The following USP42 variants were observed in gnomAD, a reference collection of about 807,000 sequenced individuals.
USP42 encodes the protein ubiquitin carboxyl-terminal hydrolase 42.
USP42 carries 23 observed loss-of-function variants against 113.0 expected under a neutral mutation model. The ratio of observed to expected loss-of-function variants is 0.20; its 90% CI spans 0.15 to 0.29. USP42 has a LOEUF of 0.29. Among genes scored for constraint, USP42 ranks in the 10% least tolerant of loss-of-function variants. The pLI is 1.00. For missense variants in USP42, 2,174 were observed against 1,779.8 expected (o/e 1.22, Z -3.99); for synonymous variants, 933 against 699.0 (o/e 1.33, Z -5.28).
chr7:6,143,969 G>A, intron 8 of USP42, 116 bp from the exon 9 acceptor site: 1 of 576,346 alleles, frequency 1.7e-6, no homozygotes. Flanking sequence ...CTCATCCAGT[G>A]TCCTTTTTGG....
chr7:6,112,906 T>C (rs927776593), intron 2 of USP42, among the ~76,000 whole-genome samples: 6 of 146,258 alleles, frequency 4.1e-5, no homozygotes, highest in Admixed American at 2.0e-4. Flanking sequence ...GTTTCTTTTT[T>C]TTTTTTTTTT....
intron 14 of USP42, among the ~76,000 whole-genome samples, chr7:6,151,256 AAC>A (rs1393335906): frequency 6.6e-6 from 1 of 152,212 alleles, no homozygotes; most frequent in Non-Finnish European, 1.5e-5. Flanking sequence ...AGACTCTGGA[AAC>A]ACTGCACACT....
intron 11 of USP42, 82 bp downstream of exon 11, chr7:6,146,330 A>G: frequency 1.2e-6 from 1 of 835,820 alleles, no homozygotes; most frequent in African/African-American, 1.9e-5. Context: ...TTCAATATTC[A>G]GTGTTTTAAA....
At chr7:6,091,579 T>C in the USP42 span, among the ~76,000 whole-genome samples, 1 of 150,432 alleles carries the variant, frequency 6.6e-6, no homozygotes, top group Admixed American at 6.6e-5. Flanking sequence ...TGGGTTTCTA[T>C]TGATTATATT....
the USP42 span, among the ~76,000 whole-genome samples, chr7:6,086,608 C>T: frequency 6.6e-6 from 1 of 150,924 alleles, no homozygotes; most frequent in East Asian, 1.9e-4. Flanking sequence ...CCTCAACCTC[C>T]CAAAGTTCTG....
chr7:6,146,291 TTTC>T (rs1156423228), intron 11 of USP42, 43 bp downstream of exon 11: 2 of 1,199,896 alleles, frequency 1.7e-6, no homozygotes, highest in Non-Finnish European at 2.4e-6. Flanking sequence ...TGGTATGTCA[TTTC>T]TTCTTGTCTT....
chr7:6,092,082 CTCT>C, the USP42 span, among the ~76,000 whole-genome samples: 113 of 59,514 alleles, frequency 1.9e-3, 12 homozygotes, highest in Middle Eastern at 0.058. Context: ...CTTCCTCTTC[CTCT>C]TCTTCTTCTT....
At position 6,155,094 on chromosome 7, in the gene USP42, G is replaced by A. The variant is rs776732844; in HGVS notation, c.3540G>A (p.Arg1180=). The A allele has an allele frequency of 2.6e-6, 4 of 1,560,648 alleles. No homozygotes were observed. The East Asian group carries it at 7.2e-5, about 28-fold the overall frequency. ...SDSHVEKKAR[R]SEQKDPLEEP... is the part of the protein sequence containing the mutation. ...GTCATGTTGAAAAGAAAGCCCGGAG[G>A]AGCGAACAGAAGGATCCTCTAGAAG... Residue 1180 remains arginine (R), a synonymous_variant, in exon 15 of 18, where the codon AGG becomes AGA. Transcript: ENST00000306177.
chr7:6,157,081 A>G lies in USP42; in HGVS notation c.3943+26A>G. 1 of 1,546,396 alleles carries G rather than the reference A, an allele frequency of 6.5e-7. No individual in the cohort carries two copies. Among genetic ancestry groups the G allele is most frequent in the African/African-American group, 1.4e-5 (1 of 72,204 alleles). ...GTAAGAGGAGATACTTGGAATTAGG[A>G]AGATAGAAACTATTTCTTAATACAT... is the stretch of plus-strand genomic sequence containing the variant. On this transcript the variant is annotated intron_variant, in intron 16 of 17. Transcript: ENST00000306177. The surrounding 1 kb of genome is among the most constrained non-coding windows in gnomAD (Gnocchi z 4.1).
chr7:6,113,125 A>G (rs969042799), intron 2 of USP42, among the ~76,000 whole-genome samples: 2 of 151,610 alleles, frequency 1.3e-5, no homozygotes, highest in East Asian at 3.9e-4. Flanking sequence ...GGCTGGTTTC[A>G]AACTTATAAT....
rs1409938708 is a variant in USP42 at position 6,140,947 on chromosome 7, C to A, written c.758C>A (p.Thr253Asn). 1 of 1,560,312 alleles carries A rather than the reference C, an allele frequency of 6.4e-7. No individual in the cohort carries two copies. Among genetic ancestry groups the A allele is most frequent in the Non-Finnish European group, 8.7e-7 (1 of 1,148,068 alleles). ...TTAAATTGCAAGGGCGTTTCAGATACTTTTGATCCATATCTTGATATAACA... is the reference window on the plus strand; with the variant it reads ...TTAAATTGCAAGGGCGTTTCAGATAATTTTGATCCATATCTTGATATAACA... Reference protein sequence around the residue: ...KCLNCKGVSDTFDPYLDITLE... With the variant: ...KCLNCKGVSDNFDPYLDITLE... The change falls in exon 7 of 18, where the codon ACT becomes AAT. Residue 253 changes from threonine to asparagine, a missense_variant. Physicochemically the swap from Thr to Asn is moderately conservative, Grantham distance 65. Coordinates refer to ENST00000306177, the MANE Select transcript of USP42 (RefSeq NM_032172.3).
chr7:6,157,530 C>T lies in USP42; in HGVS notation c.3943+475C>T, dbSNP rs140937463. ...CTCCTGCCTCAGCCTCCTGAGTAGC[C>T]GGGACTACAGGCGCCCGCCACCACG... is the stretch of plus-strand genomic sequence containing the variant. On this transcript the variant is annotated intron_variant, in intron 16 of 17. Transcript: ENST00000306177. The surrounding 1 kb of genome is among the most constrained non-coding windows in gnomAD (Gnocchi z 4.1). The T allele has an allele frequency of 3.4e-5, 14 of 412,368 alleles. No individual in the cohort carries two copies. The highest frequency in any genetic ancestry group is 3.2e-4 in the East Asian group (2 of 6,240). 25.5% of individuals were successfully genotyped at this position (412,368 alleles called of 1,614,324 possible).
the USP42 span, chr7:6,085,300 A>G: frequency 7.5e-6 from 1 of 132,782 alleles, no homozygotes; most frequent in East Asian, 2.3e-4. Context: ...TTTTTTTTTT[A>G]GTTTTTAGTA....
At chr7:6,085,975 CCA>C in the USP42 span, among the ~76,000 whole-genome samples, 1 of 150,852 alleles carries the variant, frequency 6.6e-6, no homozygotes, top group African/African-American at 2.5e-5. Flanking sequence ...CTCAATGCCA[CCA>C]CAGACACTGG....
At chr7:6,083,724 G>A in the USP42 span, among the ~76,000 whole-genome samples, 1 of 150,724 alleles carries the variant, frequency 6.6e-6, no homozygotes, top group Non-Finnish European at 1.5e-5. Context: ...GTATTATGTG[G>A]CGTTTATGTT....
In USP42 at chr7:6,154,328, A is replaced by G; in HGVS notation, c.2774A>G (p.Glu925Gly). Residue 925 changes from glutamate to glycine, a missense_variant, in exon 15 of 18, where the codon GAG (glutamate) becomes GGG (glycine). Coordinates refer to ENST00000306177, the MANE Select transcript of USP42 (RefSeq NM_032172.3). ...GAGCCTAGCCCCGGCGAGAGGGTCG[A>G]GGACGCCGCGGCGCCGAAAGCCCCA... ...DAEPSPGERVEDAAAPKAPGP... is the reference protein window; with the variant it reads ...DAEPSPGERVGDAAAPKAPGP... The G allele has an allele frequency of 6.4e-7, 1 of 1,574,786 alleles. No homozygotes were observed. The highest frequency in any genetic ancestry group is 1.2e-5 in the South Asian group (1 of 86,686).
Position 6,111,191 on chromosome 7 carries a change from C to T in USP42, c.58C>T (p.Pro20Ser), listed in dbSNP as rs1779578104. ...AGACCCATCAGCCTATCAGAATCAG[C>T]CTGGCAGCTCCGAGGCAGTCTCACC... is the stretch of plus-strand genomic sequence containing the variant. ...SSDPSAYQNQPGSSEAVSPGD... is the reference protein window; with the variant it reads ...SSDPSAYQNQSGSSEAVSPGD... The change falls in exon 2 of 18, where the codon CCT becomes TCT. Residue 20 changes from proline to serine, a missense_variant. By Grantham distance (74) the Pro-to-Ser change is moderately conservative. Coordinates refer to ENST00000306177, the MANE Select transcript of USP42 (RefSeq NM_032172.3). 31 of 1,612,230 alleles carry T rather than the reference C, an allele frequency of 1.9e-5. No homozygotes were observed. Among genetic ancestry groups the T allele is most frequent in the Non-Finnish European group, 2.5e-5 (30 of 1,179,096 alleles).
In USP42 at chr7:6,123,832, C is replaced by CAA. The variant is rs34032326; in HGVS notation, c.442+8327_442+8328dup. On this transcript the variant is annotated intron_variant, in intron 3 of 17. Transcript: ENST00000306177. ...AGGGCAACGAAAGGAGACCCTGTCTCAAAAAAAAAAAAAAAAAAAGCCACT... is the reference window on the plus strand; with the variant it reads ...AGGGCAACGAAAGGAGACCCTGTCTCAAAAAAAAAAAAAAAAAAAAAGCCACT... Among the ~76,000 whole-genome samples the CAA allele has an allele frequency of 9.9e-3, 719 of 72,666 alleles. 11 individuals carry two copies. Among genetic ancestry groups the CAA allele is most frequent in the African/African-American group, 0.026 (635 of 24,560 alleles). 47.7% of individuals were successfully genotyped at this position (72,666 alleles called of 152,430 possible). A position where few individuals can be genotyped will look rare whatever the true frequency, so the allele number is the denominator to read the frequency against.
chr7:6,140,765 G>A (rs1357134798), intron 6 of USP42, 149 bp from the exon 7 acceptor site: 5 of 566,452 alleles, frequency 8.8e-6, no homozygotes, highest in Admixed American at 3.7e-5. Context: ...ATTATGAGTA[G>A]TATTAATTTA....
Sources: gnomAD v4.1 joint callset for allele counts (sites outside exome capture counted in the v4.1 genomes callset) on GRCh38, gnomAD v4.1.1 for gene constraint, Gnocchi (gnomAD v3.1) non-coding constraint, MANE v1.5 for transcripts, NCBI Gene and HGNC (gene_info 2026-07-23, HGNC 2026-07-21) for gene names.